The following CPNE5 variants were observed in gnomAD, a reference collection of about 807,000 sequenced individuals.
The protein encoded by CPNE5 is copine-5.
A neutral mutation model predicts 81.1 loss-of-function variants in CPNE5; 42 were observed. The ratio of observed to expected loss-of-function variants is 0.52; its 90% CI spans 0.40 to 0.67. The LOEUF (loss-of-function observed/expected upper bound fraction) is 0.67, where lower values mean the gene tolerates loss of function less well. CPNE5 is among the 30% of genes least tolerant of loss of function. The pLI is 0.00. For missense variants in CPNE5, 612 were observed against 815.5 expected (o/e 0.75, Z 3.04); for synonymous variants, 313 against 321.5 (o/e 0.97, Z 0.28).
chr6:36,752,927 A>G, intron 14 of CPNE5, 107 bp downstream of exon 14: 1 of 884,136 alleles, frequency 1.1e-6, no homozygotes, highest in South Asian at 1.5e-5. Context: ...CACAGCCTTC[A>G]ACCAGGGCTT....
chr6:36,773,998 G>A (rs1355408819), intron 10 of CPNE5, among the ~76,000 whole-genome samples: 1 of 151,154 alleles, frequency 6.6e-6, no homozygotes, highest in Non-Finnish European at 1.5e-5. Context: ...CCCAGGAGGT[G>A]GAAGCTGCAG....
intron 11 of CPNE5, among the ~76,000 whole-genome samples, chr6:36,764,854 G>A (rs908430995): frequency 6.6e-6 from 1 of 152,130 alleles, no homozygotes; most frequent in Non-Finnish European, 1.5e-5. Flanking sequence ...GGGTACAATT[G>A]GCCTCCCTGC....
At chr6:36,747,438 A>C (rs1402675447) in intron 15 of CPNE5, among the ~76,000 whole-genome samples, 1 of 152,214 alleles carries the variant, frequency 6.6e-6, no homozygotes, top group East Asian at 1.9e-4. Flanking sequence ...GAGCAATAAT[A>C]GTTCCTACTT....
At chr6:36,809,444 C>T (rs1037290618) in intron 3 of CPNE5, among the ~76,000 whole-genome samples, 1 of 152,042 alleles carries the variant, frequency 6.6e-6, no homozygotes, top group Non-Finnish European at 1.5e-5. Context: ...GGCATGGAAG[C>T]ACACGTCTGT....
chr6:36,742,434 A>T lies in CPNE5; in HGVS notation c.1616T>A (p.Met539Lys). The T allele has an allele frequency of 6.2e-7, 1 of 1,613,600 alleles. No individual in the cohort carries two copies. Among genetic ancestry groups the T allele is most frequent in the Non-Finnish European group, 8.5e-7 (1 of 1,179,994 alleles). ...CAGCACGTCTCGGGCCAGGCGGGCC[A>T]TGCTCAGCACGTGGTTGCCTGTGCG... is the stretch of plus-strand genomic sequence containing the variant. ...VDRTGNHVLSMARLARDVLAE... is the reference protein window; with the variant it reads ...VDRTGNHVLSKARLARDVLAE... Residue 539 changes from methionine (M) to lysine (K), a missense_variant, in exon 21 of 21, where the codon ATG becomes AAG. Met to Lys is a moderately conservative substitution (Grantham distance 95). Coordinates refer to ENST00000244751, the MANE Select transcript of CPNE5 (RefSeq NM_020939.2).
intron 15 of CPNE5, among the ~76,000 whole-genome samples, chr6:36,747,489 T>C (rs1204092799): frequency 1.3e-5 from 2 of 152,212 alleles, no homozygotes; most frequent in South Asian, 2.1e-4. Flanking sequence ...CTATCGATAT[T>C]ATGATAACTA....
At chr6:36,832,928 G>A (rs531586593) in intron 1 of CPNE5, among the ~76,000 whole-genome samples, 3 of 152,296 alleles carry the variant, frequency 2.0e-5, no homozygotes, top group South Asian at 4.1e-4. Context: ...GGATGGCATC[G>A]AAGGCTGGCT....
In CPNE5 at chr6:36,823,055, T is replaced by G; in HGVS notation, c.136+3A>C. On this transcript the variant is annotated splice_donor_region_variant and intron_variant, in intron 2 of 20. Transcript: ENST00000244751. ...CCGTTCTTATTGTCAGAGCAGGACT[T>G]ACGTGGGTCGGACTTGGAAAACATG... 1 of 1,575,110 alleles carries G rather than the reference T, an allele frequency of 6.3e-7. No homozygotes were observed.
chr6:36,813,873 G>T (rs1423353871), intron 3 of CPNE5, among the ~76,000 whole-genome samples: 2 of 152,214 alleles, frequency 1.3e-5, no homozygotes, highest in East Asian at 1.9e-4. Context: ...CTCTCCCACT[G>T]TGATGGAGTG....
At chr6:36,814,158 T>C (rs1176237279) in intron 3 of CPNE5, among the ~76,000 whole-genome samples, 3 of 152,068 alleles carry the variant, frequency 2.0e-5, no homozygotes, top group Non-Finnish European at 2.9e-5. Flanking sequence ...ATATAGCACA[T>C]AGGTGGCTGA....
At chr6:36,818,160 C>T (rs942104339) in intron 3 of CPNE5, among the ~76,000 whole-genome samples, 14 of 152,162 alleles carry the variant, frequency 9.2e-5, no homozygotes, top group African/African-American at 2.4e-4. Flanking sequence ...CTCTGTTCCA[C>T]ATCATGCACC....
intron 20 of CPNE5, among the ~76,000 whole-genome samples, chr6:36,743,462 G>C (rs545076149): frequency 1.3e-5 from 2 of 152,194 alleles, no homozygotes; most frequent in Non-Finnish European, 2.9e-5. Flanking sequence ...CTGGGCACCC[G>C]CAATGTTAGG....
Position 36,750,408 on chromosome 6 carries a change from C to T in CPNE5, c.972-2141G>A, listed in dbSNP as rs535930243. ...GACCCCAGCCAGGGTCTGCTGGCCA[C>T]AGACAGTCATCCCCACCTCTTTCTC... is the stretch of plus-strand genomic sequence containing the variant. On this transcript the variant is annotated intron_variant, in intron 14 of 20. Coordinates refer to ENST00000244751, the MANE Select transcript of CPNE5 (RefSeq NM_020939.2). Among the ~76,000 whole-genome samples the T allele has an allele frequency of 2.0e-5, 3 of 152,324 alleles. No homozygotes were observed. The East Asian group carries it at 5.8e-4, about 29-fold the overall frequency.
chr6:36,780,256 C>T (rs1424546030), intron 8 of CPNE5, among the ~76,000 whole-genome samples: 1 of 152,218 alleles, frequency 6.6e-6, no homozygotes, highest in African/African-American at 2.4e-5. Context: ...AGCCACTGCA[C>T]CTGGCCCCCC....
intron 6 of CPNE5, 86 bp downstream of exon 6, chr6:36,798,079 G>A: frequency 1.0e-6 from 1 of 991,768 alleles, no homozygotes; most frequent in Non-Finnish European, 1.6e-6. Context: ...ATAGCCAGCT[G>A]ACTGCTTTGT....
In CPNE5 at chr6:36,742,504, A is replaced by T; in HGVS notation, c.1564-18T>A. On this transcript the variant is annotated intron_variant, in intron 20 of 20. Coordinates refer to ENST00000244751, the MANE Select transcript of CPNE5 (RefSeq NM_020939.2). Reference sequence around the variant, plus strand: ...GGTACAAACTGGCAAGTGGGAGGGCAGGGTCAGGCAGTGCCTCCTGTGGGA... The same window carrying T: ...GGTACAAACTGGCAAGTGGGAGGGCTGGGTCAGGCAGTGCCTCCTGTGGGA... 1 of 1,602,318 alleles carries T rather than the reference A, an allele frequency of 6.2e-7. No individual in the cohort carries two copies.
intron 1 of CPNE5, chr6:36,838,773 A>G (rs1447456905): frequency 1.0e-6 from 1 of 984,084 alleles, no homozygotes; most frequent in African/African-American, 1.7e-5. Context: ...AGGCTTTAAA[A>G]TCCTAGAGTC....
In CPNE5 at chr6:36,742,199, T is replaced by A; in HGVS notation, c.*69A>T. ...GGCCGGGCAGGCCAACTTCGGGGAG[T>A]CTGGGGCCCTGGCCTCCCATTCACC... On this transcript the variant is annotated 3_prime_UTR_variant, in exon 21 of 21. Transcript: ENST00000244751. The A allele has an allele frequency of 7.7e-7, 1 of 1,292,622 alleles. No individual in the cohort carries two copies. Among genetic ancestry groups the A allele is most frequent in the Non-Finnish European group, 1.1e-6 (1 of 937,998 alleles). 80.1% of individuals were successfully genotyped at this position (1,292,622 alleles called of 1,614,324 possible).
At chr6:36,767,016 G>A (rs1027617074) in intron 10 of CPNE5, among the ~76,000 whole-genome samples, 2 of 152,074 alleles carry the variant, frequency 1.3e-5, no homozygotes, top group Non-Finnish European at 2.9e-5. Flanking sequence ...CACCACACCT[G>A]GCTAATTTTT....
Sources: allele counts gnomAD v4.1 joint callset (sites outside exome capture counted in the v4.1 genomes callset), GRCh38; gene constraint gnomAD v4.1.1; transcripts MANE v1.5; gene names NCBI Gene and HGNC (gene_info 2026-07-23, HGNC 2026-07-21).